AUTS2: variants seen among roughly 807,000 people sequenced by gnomAD.
The protein encoded by AUTS2 is activator of transcription and developmental regulator AUTS2.
In AUTS2, 17 loss-of-function variants were observed where a neutral mutation model predicts 112.4. That is an observed-to-expected ratio of 0.15 (90% CI 0.10 to 0.23). The LOEUF is 0.23. Ranked by LOEUF, AUTS2 falls within the 10% of genes least tolerant of loss-of-function variation. The pLI is 1.00. For synonymous variants in AUTS2, 751 were observed against 702.7 expected, an observed-to-expected ratio of 1.07 and a Z score of -1.09; for missense variants, 1,510 against 1,701.6, an observed-to-expected ratio of 0.89 and a Z score of 1.98.
chr7:69,873,609 G>C (rs915689673), intron 1 of AUTS2, among the ~76,000 whole-genome samples: 2 of 152,116 alleles, frequency 1.3e-5, no homozygotes, highest in Admixed American at 6.5e-5. Flanking sequence ...CACCCTTACT[G>C]ATTCTTTGCT....
chr7:70,616,237 C>T (rs1804358555), intron 5 of AUTS2, among the ~76,000 whole-genome samples: 1 of 152,196 alleles, frequency 6.6e-6, no homozygotes, highest in Admixed American at 6.5e-5. Context: ...TATGCTAAAA[C>T]TCTTACACAG....
chr7:70,466,140 CTAGG>C (rs1360510896), intron 5 of AUTS2, among the ~76,000 whole-genome samples: 1 of 152,134 alleles, frequency 6.6e-6, no homozygotes, highest in African/African-American at 2.4e-5. Context: ...TCTGGGAAAA[CTAGG>C]TAGCCCAAAG....
chr7:70,163,360 A>AGGGGGGGG (rs1562753323), intron 4 of AUTS2, among the ~76,000 whole-genome samples: 8 of 2,466 alleles, frequency 3.2e-3, no homozygotes, highest in Admixed American at 5.2e-3. Flanking sequence ...GGGGGGGGGC[A>AGGGGGGGG]GAGGGGGAGG....
chr7:70,440,482 T>C (rs2130924448), intron 5 of AUTS2, among the ~76,000 whole-genome samples: 1 of 152,252 alleles, frequency 6.6e-6, no homozygotes, highest in East Asian at 1.9e-4. Context: ...CAATAAATGT[T>C]AGCTTTTGTT....
chr7:69,795,840 C>T (rs1237175438), intron 1 of AUTS2, among the ~76,000 whole-genome samples: 4 of 152,212 alleles, frequency 2.6e-5, no homozygotes, highest in Non-Finnish European at 5.9e-5. Flanking sequence ...AGCGCCAGAA[C>T]AAGGAGCTCA....
intron 4 of AUTS2, among the ~76,000 whole-genome samples, chr7:70,289,365 T>C (rs1250556894): frequency 6.6e-6 from 1 of 152,208 alleles, no homozygotes; most frequent in Non-Finnish European, 1.5e-5. Context: ...TTCTCTTCCA[T>C]GTGCTCCCTT....
At position 70,169,844 on chromosome 7, in the gene AUTS2, T is replaced by A. The variant is rs138454027; in HGVS notation, c.660+35273T>A. Reference sequence around the variant, plus strand: ...ATAATGCTTGCTAATTATTTCCTGTTAGTATTACTGGTAAAATGGGGGTTG... The same window carrying A: ...ATAATGCTTGCTAATTATTTCCTGTAAGTATTACTGGTAAAATGGGGGTTG... On this transcript the variant is annotated intron_variant, in intron 4 of 18. Coordinates refer to ENST00000342771, the MANE Select transcript of AUTS2 (RefSeq NM_015570.4). Among the ~76,000 whole-genome samples the A allele has an allele frequency of 5.9e-3, 905 of 152,288 alleles. 7 individuals are homozygous for A. The highest frequency in any genetic ancestry group is 0.02 in the African/African-American group (845 of 41,562).
intron 5 of AUTS2, among the ~76,000 whole-genome samples, chr7:70,496,519 C>T (rs1436162074): frequency 7.5e-6 from 1 of 132,790 alleles, no homozygotes; most frequent in East Asian, 2.5e-4. Context: ...GTCGATCACA[C>T]ACCCCACTCA....
At chr7:70,322,224 A>G (rs1473283109) in intron 4 of AUTS2, among the ~76,000 whole-genome samples, 1 of 152,186 alleles carries the variant, frequency 6.6e-6, no homozygotes, top group Non-Finnish European at 1.5e-5. Flanking sequence ...ATTAAAATAC[A>G]TTATAGTATA....
At chr7:69,904,265 G>A (rs1362193744) in intron 2 of AUTS2, among the ~76,000 whole-genome samples, 4 of 152,172 alleles carry the variant, frequency 2.6e-5, no homozygotes, top group Non-Finnish European at 4.4e-5. Flanking sequence ...ATTTCAGCAC[G>A]ACTTAGACTT....
chr7:70,558,263 AAAAT>A, intron 5 of AUTS2, among the ~76,000 whole-genome samples: 2 of 152,296 alleles, frequency 1.3e-5, no homozygotes, highest in South Asian at 4.2e-4. Flanking sequence ...TACTCTGCGT[AAAAT>A]TTAGGAACAA....
At chr7:69,657,637 A>G (rs1323047273) in intron 1 of AUTS2, among the ~76,000 whole-genome samples, 1 of 152,144 alleles carries the variant, frequency 6.6e-6, no homozygotes, top group Non-Finnish European at 1.5e-5. Context: ...GTGGGTGGTG[A>G]AGGATTTTTT....
At chr7:70,236,089 C>G (rs1384217938) in intron 4 of AUTS2, among the ~76,000 whole-genome samples, 1 of 152,124 alleles carries the variant, frequency 6.6e-6, no homozygotes, top group Non-Finnish European at 1.5e-5. Context: ...ATGTCAGGTC[C>G]CTGAAAGTGA....
chr7:70,369,762 T>G (rs956140649), intron 4 of AUTS2, among the ~76,000 whole-genome samples: 5 of 152,164 alleles, frequency 3.3e-5, no homozygotes, highest in African/African-American at 1.2e-4. Flanking sequence ...GGGAAGAACA[T>G]AATGAGAAGG....
chr7:70,501,740 A>G lies in AUTS2; in HGVS notation c.690+65959A>G, dbSNP rs566892167. ...CTTTCTCCACAACACAAACAAAACCATCAAACTCCATATGATTGTTATAAT... is the reference window on the plus strand; with the variant it reads ...CTTTCTCCACAACACAAACAAAACCGTCAAACTCCATATGATTGTTATAAT... On this transcript the variant is annotated intron_variant, in intron 5 of 18. Transcript: ENST00000342771. 8.7e-4 allele frequency among the ~76,000 whole-genome samples: 133 copies of G among 152,040 alleles called. 1 individual carries two copies. The highest frequency in any genetic ancestry group is 1.6e-3 in the Non-Finnish European group (106 of 68,006).
At chr7:69,978,902 G>GCACA in intron 2 of AUTS2, among the ~76,000 whole-genome samples, 1 of 75,370 alleles carries the variant, frequency 1.3e-5, no homozygotes, top group Middle Eastern at 5.8e-3. Context: ...ACACACACAC[G>GCACA]CACACACGCA....
intron 1 of AUTS2, among the ~76,000 whole-genome samples, chr7:69,878,265 C>A (rs1170201530): frequency 6.6e-6 from 1 of 152,090 alleles, no homozygotes; most frequent in African/African-American, 2.4e-5. Context: ...GTAGGAGAAC[C>A]CTAAGGTGGA....
rs560053948 is a variant in AUTS2, at chr7:70,790,315, C to T, written c.3099C>T (p.Pro1033=). The part of the protein sequence containing the change: ...PMTVGVTGIH[P]MNSISSLDRT... ...CGGTGGGGGTGACGGGCATTCACCC[C>T]ATGAACAGCATCAGCAGCCTGGACA... Residue 1033 remains proline, a synonymous_variant, in exon 19 of 19, where the codon CCC becomes CCT. Transcript: ENST00000342771. The surrounding 1 kb of genome is among the most constrained non-coding windows in gnomAD (Gnocchi z 7.6). The T allele has an allele frequency of 1.7e-5, 28 of 1,613,744 alleles. 1 individual carries two copies. The East Asian group carries it at 5.8e-4, about 33-fold the overall frequency.
intron 1 of AUTS2, among the ~76,000 whole-genome samples, chr7:69,645,206 C>G (rs1794974755): frequency 6.6e-6 from 1 of 152,012 alleles, no homozygotes; most frequent in African/African-American, 2.4e-5. Context: ...GCCACTGTGC[C>G]TGGCAGAGTC....
Sources: allele counts gnomAD v4.1 joint callset (sites outside exome capture counted in the v4.1 genomes callset), GRCh38; gene constraint gnomAD v4.1.1; non-coding constraint Gnocchi (gnomAD v3.1); transcripts MANE v1.5; gene names NCBI Gene and HGNC (gene_info 2026-07-23, HGNC 2026-07-21).